The following GRIN2C variants were observed in gnomAD, a reference collection of about 807,000 sequenced individuals.
GRIN2C encodes the protein glutamate receptor ionotropic, NMDA 2C.
In GRIN2C, 64 loss-of-function variants were observed where a neutral mutation model predicts 77.7. That is an observed-to-expected ratio of 0.82 (90% CI 0.67 to 1.01). The LOEUF is 1.01. GRIN2C is among the 50% of genes least tolerant of loss of function. The pLI, the probability that GRIN2C is intolerant of heterozygous loss-of-function variation, is 0.00. For synonymous variants in GRIN2C, 792 were observed against 643.4 expected, an observed-to-expected ratio of 1.23 and a Z score of -3.49; for missense variants, 1,549 against 1,486.0, an observed-to-expected ratio of 1.04 and a Z score of -0.70.
At chr17:74,844,587 GGAGT>G in intron 11 of GRIN2C, 79 bp from the exon 12 acceptor site, 1 of 1,540,318 alleles carries the variant, frequency 6.5e-7, no homozygotes, top group South Asian at 1.2e-5. Context: ...CCACAAACCT[GGAGT>G]AAGAAGGGAT....
chr17:74,847,047 C>G lies in GRIN2C; in HGVS notation c.2002-127G>C. ...TAGTCAGAGCAGAAGGTCTTAAAGGCTGTCCAGGCCACTCCTGTGTTTTCC... is the reference window on the plus strand; with the variant it reads ...TAGTCAGAGCAGAAGGTCTTAAAGGGTGTCCAGGCCACTCCTGTGTTTTCC... On this transcript the variant is annotated intron_variant, in intron 9 of 12. Transcript: ENST00000293190. The surrounding 1 kb of genome is among the most constrained non-coding windows in gnomAD (Gnocchi z 5.2). 1 of 977,560 alleles carries G rather than the reference C, an allele frequency of 1.0e-6. No individual in the cohort carries two copies. Among genetic ancestry groups the G allele is most frequent in the South Asian group, 1.6e-5 (1 of 61,236 alleles). 60.6% of individuals were successfully genotyped at this position (977,560 alleles called of 1,614,324 possible).
chr17:74,849,678 CTG>C lies in GRIN2C; in HGVS notation c.1645+100_1645+101del, dbSNP rs2037569915. 1 of 1,101,048 alleles carries C rather than the reference CTG, an allele frequency of 9.1e-7. No homozygotes were observed. The highest frequency in any genetic ancestry group is 1.3e-6 in the Non-Finnish European group (1 of 761,010). 68.2% of individuals were successfully genotyped at this position (1,101,048 alleles called of 1,614,324 possible). A position where few individuals can be genotyped will look rare whatever the true frequency, so the allele number is the denominator to read the frequency against. On this transcript the variant is annotated intron_variant, in intron 7 of 12. Transcript: ENST00000293190. This position sits in a 1 kb window ranked among gnomAD's most constrained non-coding sequence, Gnocchi z 4.6. Reference sequence around the variant, plus strand: ...AAGACCCAAGGCTGCTGTGCTTGGCCTGTGAGAGCCCACCCAACTCCCCATCC... The same window carrying C: ...AAGACCCAAGGCTGCTGTGCTTGGCCTGAGAGCCCACCCAACTCCCCATCC...
chr17:74,855,203 G>A, intron 1 of GRIN2C, 96 bp from the exon 2 acceptor site: 2 of 1,006,548 alleles, frequency 2.0e-6, no homozygotes, highest in East Asian at 2.6e-5. Flanking sequence ...ACATACGGAA[G>A]ATGAAAGAGA....
chr17:74,852,201 G>A lies in GRIN2C; in HGVS notation c.810C>T (p.Pro270=). 3 of 1,453,558 alleles carry A rather than the reference G, an allele frequency of 2.1e-6. No homozygotes were observed. Among genetic ancestry groups the A allele is most frequent in the Middle Eastern group, 1.9e-4 (1 of 5,230 alleles). 90.0% of individuals were successfully genotyped at this position (1,453,558 alleles called of 1,614,324 possible). ...GSTDAPPATF[P]VGLISVVTES... Reference sequence around the variant, plus strand: ...CGGTGACGACGCTGATGAGGCCCACGGGGAAGGTGGCGGGGGGCGCATCGG... The same window carrying A: ...CGGTGACGACGCTGATGAGGCCCACAGGGAAGGTGGCGGGGGGCGCATCGG... The change falls in exon 3 of 13, where the codon CCC becomes CCT. Residue 270 remains proline, a synonymous_variant. Transcript: ENST00000293190.
At chr17:74,853,691 A>G (rs2037730507) in intron 2 of GRIN2C, 1 of 152,170 alleles carries the variant, frequency 6.6e-6, no homozygotes, top group Admixed American at 6.5e-5. Flanking sequence ...GTGGATGGCC[A>G]GGGCGAATGG....
At position 74,846,938 on chromosome 17, in the gene GRIN2C, CA is replaced by C. The variant is rs775915878; in HGVS notation, c.2002-19del. 2 of 1,597,182 alleles carry C rather than the reference CA, an allele frequency of 1.3e-6. No homozygotes were observed. On this transcript the variant is annotated intron_variant, in intron 9 of 12. Coordinates refer to ENST00000293190, the MANE Select transcript of GRIN2C (RefSeq NM_000835.6). The surrounding 1 kb of genome is among the most constrained non-coding windows in gnomAD (Gnocchi z 4.4). ...CGCTGAAACTGCAGGCGGAGGGCAG[CA>C]GCCAGTCACAACCCTTCCTCCAGCC... is the stretch of plus-strand genomic sequence containing the variant.
At chr17:74,860,801 A>G (rs116604115), upstream of GRIN2C, 2,242 of 331,030 alleles carry the variant, frequency 6.8e-3, 50 homozygotes, top group African/African-American at 0.045. Flanking sequence ...GGCTGGGGCA[A>G]AGGAGATGGG....
intron 1 of GRIN2C, among the ~76,000 whole-genome samples, chr17:74,858,082 A>G (rs1015743845): frequency 6.6e-6 from 1 of 152,152 alleles, no homozygotes; most frequent in African/African-American, 2.4e-5. Context: ...GCAAAGGGGC[A>G]GAATAAGCAG....
In GRIN2C at chr17:74,849,467, C is replaced by T. The variant is rs1216493984; in HGVS notation, c.1645+313G>A. Among the ~76,000 whole-genome samples the T allele has an allele frequency of 1.3e-5, 2 of 152,222 alleles. No individual in the cohort carries two copies. The highest frequency in any genetic ancestry group is 2.9e-5 in the Non-Finnish European group (2 of 68,024). The stretch of plus-strand genomic sequence containing the variant: ...CAACTCCCCACGGGCCTCCCCCACT[C>T]GTTCCACAGTCCTGGGCCATGGCCC... On this transcript the variant is annotated intron_variant, in intron 7 of 12. Coordinates refer to ENST00000293190, the MANE Select transcript of GRIN2C (RefSeq NM_000835.6). This position sits in a 1 kb window ranked among gnomAD's most constrained non-coding sequence, Gnocchi z 4.6.
rs775613103 is a variant in GRIN2C, at chr17:74,850,398, C to A, written c.1326-27G>T. On this transcript the variant is annotated intron_variant, in intron 5 of 12. Coordinates refer to ENST00000293190, the MANE Select transcript of GRIN2C (RefSeq NM_000835.6). This position sits in a 1 kb window ranked among gnomAD's most constrained non-coding sequence, Gnocchi z 5.3. ...TGCAGCCATGCCGCCATGAGACCAC[C>A]GGGAGTCAGAGTATGTCGTGGCCCA... The A allele has an allele frequency of 2.9e-5, 46 of 1,604,348 alleles. No homozygotes were observed. Among genetic ancestry groups the A allele is most frequent in the Non-Finnish European group, 3.7e-5 (44 of 1,179,200 alleles).
chr17:74,843,078 C>T lies in GRIN2C; in HGVS notation c.3059G>A (p.Arg1020Gln). ...GTGACAGCGCGCGGGCGACAGGGGC[C>T]GCTCGGAGGCCGAGAGGTGCCTCCC... is the stretch of plus-strand genomic sequence containing the variant. Reference protein sequence around the residue: ...HCGRHLSASERPLSPARCHYS... With the variant: ...HCGRHLSASEQPLSPARCHYS... Residue 1020 changes from arginine to glutamine, a missense_variant, in exon 13 of 13, where the codon CGG becomes CAG. Arg to Gln is a conservative substitution (Grantham distance 43, BLOSUM62 1). Around this residue, in one of 3 missense-constraint regions of GRIN2C, gnomAD observed 450 missense variants for 267.9 expected, o/e 1.68. Transcript: ENST00000293190. The T allele has an allele frequency of 2.2e-6, 1 of 457,740 alleles. No homozygotes were observed. 28.4% of individuals were successfully genotyped at this position (457,740 alleles called of 1,614,324 possible).
intron 12 of GRIN2C, chr17:74,843,980 C>T: frequency 3.8e-6 from 2 of 530,948 alleles, no homozygotes; most frequent in South Asian, 5.3e-5. Flanking sequence ...CTCAAGCGAT[C>T]CTCCCAATTC....
At position 74,846,105 on chromosome 17, in the gene GRIN2C, G is replaced by A. The variant is rs372336142; in HGVS notation, c.2311C>T (p.Arg771Trp). 84 of 1,614,016 alleles carry A rather than the reference G, an allele frequency of 5.2e-5. No individual in the cohort carries two copies. The highest frequency in any genetic ancestry group is 6.6e-5 in the Non-Finnish European group (78 of 1,179,974). Residue 771 changes from arginine (R) to tryptophan (W), a missense_variant, in exon 11 of 13, where the codon CGG becomes TGG. Transcript: ENST00000293190. The surrounding 1 kb of genome is among the most constrained non-coding windows in gnomAD (Gnocchi z 4.4). ...TGCAAGAGCGCCAGGTCTATGGCCCGCTTCCAGTGGGAGTCCTTCTGCATG... is the reference window on the plus strand; with the variant it reads ...TGCAAGAGCGCCAGGTCTATGGCCCACTTCCAGTGGGAGTCCTTCTGCATG... Reference protein sequence around the residue: ...IAMQKDSHWKRAIDLALLQFL... With the variant: ...IAMQKDSHWKWAIDLALLQFL...
At position 74,843,550 on chromosome 17, in the gene GRIN2C, T is replaced by C. The variant is rs773040382; in HGVS notation, c.2587A>G (p.Ile863Val). The C allele has an allele frequency of 3.1e-5, 48 of 1,532,558 alleles. No individual in the cohort carries two copies. In the African/African-American group the frequency reaches 5.5e-4, roughly 18 times the overall value. 94.9% of individuals were successfully genotyped at this position (1,532,558 alleles called of 1,614,324 possible). A position where few individuals can be genotyped will look rare whatever the true frequency, so the allele number is the denominator to read the frequency against. ...TGCACCCCGCTGAAGCAGCTGTAGATGCCCTGGGCAGTAGGGAGACGACAG... is the reference window on the plus strand; with the variant it reads ...TGCACCCCGCTGAAGCAGCTGTAGACGCCCTGGGCAGTAGGGAGACGACAG... ...LDFLLAFSRG[I>V]YSCFSGVQSL... Residue 863 changes from isoleucine (I) to valine (V), a missense_variant, in exon 13 of 13, where the codon ATC (isoleucine) becomes GTC (valine). This residue lies in a region of GRIN2C where 450 missense variants were observed against 267.9 expected (regional missense o/e 1.68). Transcript: ENST00000293190.
Position 74,842,181 on chromosome 17 carries a change from C to T in GRIN2C, c.*254G>A, listed in dbSNP as rs1232822460. 4.3e-6 allele frequency: 2 copies of T among 468,736 alleles called. No homozygotes were observed. The highest frequency in any genetic ancestry group is 7.5e-6 in the Non-Finnish European group (2 of 265,718). The allele number at this position is 468,736 out of a possible 1,614,324, so 29.0% of individuals were successfully genotyped here. ...CTGGCTAGCCCCAGGGAAGGGAGAG[C>T]CTCAGGAGTCTGACCCCCACAGCAC... On this transcript the variant is annotated 3_prime_UTR_variant, in exon 13 of 13. Coordinates refer to ENST00000293190, the MANE Select transcript of GRIN2C (RefSeq NM_000835.6).
At position 74,844,285 on chromosome 17, in the gene GRIN2C, A is replaced by T. The variant is rs2037389696; in HGVS notation, c.2574T>A (p.Ala858=). The T allele has an allele frequency of 6.2e-7, 1 of 1,613,708 alleles. No homozygotes were observed. Among genetic ancestry groups the T allele is most frequent in the Non-Finnish European group, 8.5e-7 (1 of 1,179,834 alleles). The part of the protein sequence containing the change: ...PNSSQLDFLL[A]FSRGIYSCFS... ...AGGGGTGGGCACCCACCCTGCTGAAAGCCAGCAGGAAGTCCAGCTGGGATG... is the reference window on the plus strand; with the variant it reads ...AGGGGTGGGCACCCACCCTGCTGAATGCCAGCAGGAAGTCCAGCTGGGATG... Residue 858 remains alanine (A), a synonymous_variant, in exon 12 of 13, where the codon GCT becomes GCA. Coordinates refer to ENST00000293190, the MANE Select transcript of GRIN2C (RefSeq NM_000835.6).
chr17:74,848,658 C>T (rs2037536040), intron 7 of GRIN2C, among the ~76,000 whole-genome samples: 1 of 151,988 alleles, frequency 6.6e-6, no homozygotes. Flanking sequence ...TGAGAGCGCA[C>T]CACTGCACTC....
At chr17:74,845,957 A>C (rs2037441451) in intron 11 of GRIN2C, 109 bp downstream of exon 11, 5 of 1,021,674 alleles carry the variant, frequency 4.9e-6, no homozygotes, top group Middle Eastern at 3.1e-4. Context: ...CTCACCCCCC[A>C]GAGACCTCTC....
Position 74,843,337 on chromosome 17 carries a change from G to C in GRIN2C, c.2800C>G (p.Pro934Ala). The change falls in exon 13 of 13, where the codon CCC (proline) becomes GCC (alanine). Residue 934 changes from proline to alanine, a missense_variant. Transcript: ENST00000293190. ...GGGRRAPPPS[P>A]CPTPRSGPSP... ...GGGCCAGACCGCGGGGTCGGGCAGGGGGACGGTGGGGGCGCACGGCGGCCG... is the reference window on the plus strand; with the variant it reads ...GGGCCAGACCGCGGGGTCGGGCAGGCGGACGGTGGGGGCGCACGGCGGCCG... The C allele has an allele frequency of 3.3e-6, 5 of 1,502,130 alleles. No homozygotes were observed. Among genetic ancestry groups the C allele is most frequent in the Non-Finnish European group, 4.5e-6 (5 of 1,121,794 alleles). 93.1% of individuals were successfully genotyped at this position (1,502,130 alleles called of 1,614,324 possible).
Sources: gnomAD v4.1 joint callset for allele counts (sites outside exome capture counted in the v4.1 genomes callset) on GRCh38, gnomAD v4.1.1 for gene constraint, gnomAD v4.1.1 regional missense constraint, Gnocchi (gnomAD v3.1) non-coding constraint, MANE v1.5 for transcripts, NCBI Gene and HGNC (gene_info 2026-07-23, HGNC 2026-07-21) for gene names.